C12orf42: variants seen among roughly 807,000 people sequenced by gnomAD.
C12orf42 encodes chromosome 12 open reading frame 42.
In C12orf42, 25 loss-of-function variants were observed where a neutral mutation model predicts 21.6. The observed-to-expected ratio is 1.16, with a 90% CI of 0.84 to 1.62. The LOEUF is 1.62. C12orf42 is among the 40% of genes most tolerant of loss of function. The pLI is 0.00. For missense variants in C12orf42, 483 were observed against 459.3 expected, an observed-to-expected ratio of 1.05 and a Z score of -0.47; for synonymous variants, 174 against 175.0, an observed-to-expected ratio of 0.99 and a Z score of 0.05.
chr12:103,505,395 T>C, the C12orf42 span: 1 of 336,130 alleles, frequency 3.0e-6, no homozygotes, highest in South Asian at 2.5e-5. Flanking sequence ...TCTGACCCCA[T>C]AGTGTTGGGT....
chr12:103,330,807 C>A (rs1229754345), intron 4 of C12orf42, among the ~76,000 whole-genome samples: 1 of 152,162 alleles, frequency 6.6e-6, no homozygotes, highest in African/African-American at 2.4e-5. Context: ...CCTATGAATT[C>A]CTTAGGGAAA....
intron 4 of C12orf42, among the ~76,000 whole-genome samples, chr12:103,353,569 C>G (rs144296995): frequency 6.6e-6 from 1 of 152,032 alleles, no homozygotes; most frequent in African/African-American, 2.4e-5. Context: ...GGCACTTTGA[C>G]AATTGTCTTT....
chr12:103,179,959 G>A, the C12orf42 span, among the ~76,000 whole-genome samples: 20 of 152,226 alleles, frequency 1.3e-4, no homozygotes, highest in African/African-American at 4.3e-4. Context: ...GGGCCTCCAG[G>A]AAGAATGATC....
chr12:103,271,435 A>C (rs2035467673), intron 5 of C12orf42, among the ~76,000 whole-genome samples: 1 of 152,176 alleles, frequency 6.6e-6, no homozygotes, highest in Non-Finnish European at 1.5e-5. Flanking sequence ...AGAGGCAAGA[A>C]AGTGCAATGG....
the C12orf42 span, among the ~76,000 whole-genome samples, chr12:103,528,968 G>T: frequency 1.3e-5 from 2 of 152,146 alleles, no homozygotes; most frequent in Non-Finnish European, 2.9e-5. Flanking sequence ...TGAGTGGTAG[G>T]GCAGAGATTC....
the C12orf42 span, among the ~76,000 whole-genome samples, chr12:103,560,759 A>G: frequency 6.6e-6 from 1 of 152,214 alleles, no homozygotes; most frequent in East Asian, 1.9e-4. Context: ...CGCAAAGTCC[A>G]TGACTCATCT....
At chr12:103,421,499 G>A (rs1274711599) in intron 2 of C12orf42, among the ~76,000 whole-genome samples, 5 of 151,878 alleles carry the variant, frequency 3.3e-5, no homozygotes, top group Non-Finnish European at 7.4e-5. Flanking sequence ...ATTTGAATCT[G>A]GGAGGTTAAG....
At chr12:103,168,721 T>C in the C12orf42 span, among the ~76,000 whole-genome samples, 42,177 of 152,130 alleles carry the variant, frequency 0.28, 6,986 homozygotes, top group Non-Finnish European at 0.37. Context: ...GTATGTTTAT[T>C]GCAGCACTAT....
At chr12:103,214,755 G>A in the C12orf42 span, among the ~76,000 whole-genome samples, 24 of 152,242 alleles carry the variant, frequency 1.6e-4, no homozygotes, top group East Asian at 5.8e-4. Context: ...CCAACTTAGC[G>A]GGATGAGTCT....
At chr12:103,105,745 T>C in the C12orf42 span, among the ~76,000 whole-genome samples, 1 of 152,140 alleles carries the variant, frequency 6.6e-6, no homozygotes, top group Non-Finnish European at 1.5e-5. Context: ...AGAATTTCAT[T>C]TAAACTAAAA....
chr12:103,083,677 C>T, the C12orf42 span, among the ~76,000 whole-genome samples: 2 of 152,164 alleles, frequency 1.3e-5, no homozygotes. Flanking sequence ...TGAGTTGAAA[C>T]TTCTACCTAC....
At chr12:103,093,237 G>A in the C12orf42 span, among the ~76,000 whole-genome samples, 2 of 152,146 alleles carry the variant, frequency 1.3e-5, no homozygotes, top group South Asian at 2.1e-4. Flanking sequence ...TGTCTGAGTT[G>A]GTTGTTGTTA....
the C12orf42 span, among the ~76,000 whole-genome samples, chr12:103,156,538 G>A: frequency 6.6e-6 from 1 of 152,132 alleles, no homozygotes; most frequent in African/African-American, 2.4e-5. Flanking sequence ...TGGGATACAT[G>A]TGTAGAACAT....
chr12:103,281,321 AATT>A, intron 4 of C12orf42, among the ~76,000 whole-genome samples: 1 of 152,086 alleles, frequency 6.6e-6, no homozygotes, highest in Non-Finnish European at 1.5e-5. Context: ...TAAACATGGG[AATT>A]ATAATTTTTC....
intron 2 of C12orf42, among the ~76,000 whole-genome samples, chr12:103,435,633 C>G (rs1161612645): frequency 6.6e-6 from 1 of 151,814 alleles, no homozygotes; most frequent in Non-Finnish European, 1.5e-5. Flanking sequence ...ATGCGATCAA[C>G]TGGAAGAAAG....
chr12:103,340,232 A>C (rs1325897388), intron 4 of C12orf42, among the ~76,000 whole-genome samples: 1 of 152,264 alleles, frequency 6.6e-6, no homozygotes, highest in Admixed American at 6.5e-5. Flanking sequence ...GGTCCCCCTC[A>C]AGTATTCAGC....
chr12:103,205,422 T>A, the C12orf42 span, among the ~76,000 whole-genome samples: 1 of 152,174 alleles, frequency 6.6e-6, no homozygotes, highest in Non-Finnish European at 1.5e-5. Context: ...GGAACTCCCC[T>A]TTATAAAGCC....
the C12orf42 span, among the ~76,000 whole-genome samples, chr12:103,118,532 C>T: frequency 6.5e-4 from 99 of 152,164 alleles, 1 homozygote; most frequent in African/African-American, 2.3e-3. Flanking sequence ...GGCGCGGTGG[C>T]TCATGCCTGT....
At chr12:103,121,901 G>A in the C12orf42 span, among the ~76,000 whole-genome samples, 1 of 152,206 alleles carries the variant, frequency 6.6e-6, no homozygotes. Context: ...TATTCAGGTT[G>A]AACAAGCAGT....
Sources: allele counts gnomAD v4.1 joint callset (sites outside exome capture counted in the v4.1 genomes callset), GRCh38; gene constraint gnomAD v4.1.1; transcripts MANE v1.5; gene names NCBI Gene and HGNC (gene_info 2026-07-23, HGNC 2026-07-21).